CCDC90B: variants seen among roughly 807,000 people sequenced by gnomAD.
CCDC90B encodes coiled-coil domain containing 90B, also known as coiled-coil domain-containing protein 90B, mitochondrial.
Under a neutral mutation model 37.0 loss-of-function variants are expected in CCDC90B, and 24 were observed. The observed-to-expected ratio is 0.65, with a 90% CI of 0.47 to 0.91. The LOEUF (loss-of-function observed/expected upper bound fraction) is 0.91. Ranked by LOEUF, CCDC90B falls within the 40% of genes least tolerant of loss-of-function variation. The pLI is 0.00. For synonymous variants in CCDC90B, 113 were observed against 101.1 expected (o/e 1.12, Z -0.71); for missense variants, 319 against 299.0 (o/e 1.07, Z -0.49).
At chr11:83,277,478 TTTTAA>T (rs1191481065) in intron 3 of CCDC90B, among the ~76,000 whole-genome samples, 4 of 151,962 alleles carry the variant, frequency 2.6e-5, no homozygotes, top group Non-Finnish European at 5.9e-5. Context: ...GAGATTACAG[TTTTAA>T]TTTTTGTTTT....
At chr11:83,269,282 GAGGTAAGAGAT>G (rs1864493135) in intron 7 of CCDC90B, among the ~76,000 whole-genome samples, 1 of 152,068 alleles carries the variant, frequency 6.6e-6, no homozygotes, top group Non-Finnish European at 1.5e-5. Flanking sequence ...ATCTCTTTCA[GAGGTAAGAGAT>G]AAGAGACACA....
At chr11:83,285,307 A>G in intron 1 of CCDC90B, 1 of 1,230,950 alleles carries the variant, frequency 8.1e-7, no homozygotes, top group Non-Finnish European at 1.0e-6. Context: ...AGATGTCTTC[A>G]GGACACCCTG....
At chr11:83,285,593 C>CA (rs1865634553) in intron 1 of CCDC90B, 2 of 1,296,054 alleles carry the variant, frequency 1.5e-6, no homozygotes, top group South Asian at 1.8e-5. Context: ...CTCTTGTCAC[C>CA]AAAAAACGGA....
At position 83,259,399 on chromosome 11, in the gene CCDC90B, A is replaced by G. The variant is rs1329502735; in HGVS notation, c.*2512T>C. 4.6e-5 allele frequency: 7 copies of G among 152,210 alleles called. No individual in the cohort carries two copies. The highest frequency in any genetic ancestry group is 4.6e-4 in the Admixed American group (7 of 15,274). The allele number at this position is 152,210 out of a possible 1,614,324, so 9.4% of individuals were successfully genotyped here. ...GTAATGGGGACAGGGTATGGTATGC[A>G]TATTTCTATTCTTCTGTTATTGGAT... On this transcript the variant is annotated 3_prime_UTR_variant, in exon 9 of 9. Transcript: ENST00000529689.
chr11:83,272,874 T>A (rs1006418640), intron 7 of CCDC90B, among the ~76,000 whole-genome samples: 1 of 152,200 alleles, frequency 6.6e-6, no homozygotes, highest in Non-Finnish European at 1.5e-5. Context: ...CATGATTACA[T>A]TGTAGGATTA....
chr11:83,278,179 T>C (rs1335372919), intron 3 of CCDC90B, among the ~76,000 whole-genome samples: 1 of 152,208 alleles, frequency 6.6e-6, no homozygotes, highest in Non-Finnish European at 1.5e-5. Context: ...TCAAGGTTAT[T>C]AGAGATTAAA....
chr11:83,261,746 G>C lies in CCDC90B; in HGVS notation c.*165C>G. 1.9e-6 allele frequency: 1 copy of C among 531,844 alleles called. No homozygotes were observed. The highest frequency in any genetic ancestry group is 3.4e-6 in the Non-Finnish European group (1 of 298,308). The allele number at this position is 531,844 out of a possible 1,614,324, so 32.9% of individuals were successfully genotyped here. On this transcript the variant is annotated 3_prime_UTR_variant, in exon 9 of 9. Coordinates refer to ENST00000529689, the MANE Select transcript of CCDC90B (RefSeq NM_021825.5). ...CCTGCACTCACACACACACAATAAA[G>C]ACACAGTATCTCTTCTCATTCTAAA...
chr11:83,269,136 G>C (rs1376697905), intron 7 of CCDC90B, among the ~76,000 whole-genome samples: 2 of 152,184 alleles, frequency 1.3e-5, no homozygotes, highest in Non-Finnish European at 2.9e-5. Flanking sequence ...GAAATTTATA[G>C]CACTAAATGC....
chr11:83,277,030 AG>A (rs1344374069), intron 3 of CCDC90B, among the ~76,000 whole-genome samples: 1 of 152,094 alleles, frequency 6.6e-6, no homozygotes, highest in Non-Finnish European at 1.5e-5. Flanking sequence ...ATTCTATACT[AG>A]AGGTGGGGTC....
At chr11:83,271,002 T>G (rs1864623073) in intron 7 of CCDC90B, among the ~76,000 whole-genome samples, 1 of 152,088 alleles carries the variant, frequency 6.6e-6, no homozygotes, top group Admixed American at 6.6e-5. Context: ...TTGACAAACC[T>G]GACAAAAACA....
chr11:83,262,232 G>A (rs886871602), intron 8 of CCDC90B, among the ~76,000 whole-genome samples: 1 of 152,034 alleles, frequency 6.6e-6, no homozygotes, highest in African/African-American at 2.4e-5. Flanking sequence ...AATCATTAAC[G>A]CTAGCATTAT....
Position 83,278,121 on chromosome 11 carries a change from A to G in CCDC90B, c.324+605T>C, listed in dbSNP as rs187186980. Among the ~76,000 whole-genome samples, 48 of 152,260 alleles carry G rather than the reference A, an allele frequency of 3.2e-4. No homozygotes were observed. In the East Asian group the frequency reaches 3.9e-3, roughly 12 times the overall value. On this transcript the variant is annotated intron_variant, in intron 3 of 8. Transcript: ENST00000529689. Reference sequence around the variant, plus strand: ...AGTGAAAACTCTTGCAAACTACTCAATTTCTCTGAGCCTGTCTTCAGTGGC... The same window carrying G: ...AGTGAAAACTCTTGCAAACTACTCAGTTTCTCTGAGCCTGTCTTCAGTGGC...
At position 83,278,814 on chromosome 11, in the gene CCDC90B, T is replaced by C. The variant is rs536980942; in HGVS notation, c.236A>G (p.Gln79Arg). The change falls in exon 3 of 9, where the codon CAA becomes CGA. Residue 79 changes from glutamine to arginine, a missense_variant. By Grantham distance (43) the Gln-to-Arg change is conservative. Transcript: ENST00000529689. Reference protein sequence around the residue: ...DLETHGFDKTQAETIVSALTA... With the variant: ...DLETHGFDKTRAETIVSALTA... ...TAACGCTGATACAATTGTTTCTGCT[T>C]GTGTTTTGTCAAATCCTGTAGGCAG... The C allele has an allele frequency of 1.2e-5, 19 of 1,613,274 alleles. No individual in the cohort carries two copies. In the South Asian group the frequency reaches 1.6e-4, roughly 14 times the overall value.
At chr11:83,273,769 A>T (rs1864840674) in intron 6 of CCDC90B, 24 bp downstream of exon 6, 1 of 1,602,768 alleles carries the variant, frequency 6.2e-7, no homozygotes, top group African/African-American at 1.3e-5. Flanking sequence ...AGTAACCAAG[A>T]AAGTACATTT....
chr11:83,279,112 T>A (rs1164066136), intron 2 of CCDC90B, among the ~76,000 whole-genome samples: 1 of 152,014 alleles, frequency 6.6e-6, no homozygotes, highest in African/African-American at 2.4e-5. Context: ...TGAAACCCCA[T>A]CTGTACTAAA....
At chr11:83,269,412 C>T (rs1308975833) in intron 7 of CCDC90B, among the ~76,000 whole-genome samples, 6 of 151,606 alleles carry the variant, frequency 4.0e-5, no homozygotes, top group African/African-American at 1.2e-4. Flanking sequence ...AGACCACTAG[C>T]CAGACTAATA....
intron 3 of CCDC90B, among the ~76,000 whole-genome samples, chr11:83,275,109 AC>A (rs1168342959): frequency 6.6e-6 from 1 of 152,146 alleles, no homozygotes; most frequent in Non-Finnish European, 1.5e-5. Flanking sequence ...ATTTTCTACC[AC>A]TGGAAAATTC....
At chr11:83,282,443 TCTGA>T (rs1865442559) in intron 1 of CCDC90B, among the ~76,000 whole-genome samples, 1 of 152,204 alleles carries the variant, frequency 6.6e-6, no homozygotes, top group African/African-American at 2.4e-5. Flanking sequence ...GTACAGTTCC[TCTGA>T]CTTAGTCAAC....
At chr11:83,283,559 C>T (rs1865514778) in intron 1 of CCDC90B, among the ~76,000 whole-genome samples, 1 of 152,208 alleles carries the variant, frequency 6.6e-6, no homozygotes, top group South Asian at 2.1e-4. Flanking sequence ...TTTCACTCCA[C>T]TTTGGAAGCC....
Sources: allele counts gnomAD v4.1 joint callset (sites outside exome capture counted in the v4.1 genomes callset), GRCh38; gene constraint gnomAD v4.1.1; transcripts MANE v1.5; gene names NCBI Gene and HGNC (gene_info 2026-07-23, HGNC 2026-07-21).